Variants in EXD3 observed in about 807,000 individuals in gnomAD.
The protein encoded by EXD3 is exonuclease 3'-5' domain containing 3.
In EXD3, 92 loss-of-function variants were observed where a neutral mutation model predicts 98.0. The ratio of observed to expected loss-of-function variants is 0.94; its 90% CI spans 0.79 to 1.12. The LOEUF is 1.12. Ranked by LOEUF, EXD3 falls within the 50% of genes most tolerant of loss-of-function variation. EXD3 has a pLI of 0.00. For missense variants in EXD3, 1,222 were observed against 1,191.6 expected (o/e 1.03, Z -0.38); for synonymous variants, 569 against 526.0 (o/e 1.08, Z -1.12).
chr9:137,343,612 G>T (rs1370219974), intron 17 of EXD3: 1 of 11,424 alleles, frequency 8.8e-5, no homozygotes, highest in African/African-American at 4.5e-4. Flanking sequence ...TTTTTGAGAC[G>T]GAGTCTCGCT....
At chr9:137,384,459 C>T (rs886400277) in intron 2 of EXD3, among the ~76,000 whole-genome samples, 8 of 152,204 alleles carry the variant, frequency 5.3e-5, no homozygotes, top group South Asian at 2.1e-4. Context: ...TCACCTGGGA[C>T]GGGCAGGGAG....
chr9:137,309,574 C>T (rs1162024974), intron 20 of EXD3, 33 bp downstream of exon 20: 6 of 1,529,524 alleles, frequency 3.9e-6, no homozygotes, highest in Non-Finnish European at 5.3e-6. Context: ...TCCCAGGCCC[C>T]CCAGACCCAG....
intron 2 of EXD3, among the ~76,000 whole-genome samples, chr9:137,388,882 C>T (rs969863849): frequency 5.3e-5 from 8 of 152,162 alleles, no homozygotes; most frequent in Non-Finnish European, 1.0e-4. Flanking sequence ...TGCATGTCCA[C>T]GGGTCCAGGC....
chr9:137,349,205 G>T lies in EXD3; in HGVS notation c.1735C>A (p.Leu579Met). The T allele has an allele frequency of 6.3e-7, 1 of 1,584,778 alleles. No homozygotes were observed. The change falls in exon 16 of 22, where the codon CTG becomes ATG. Residue 579 changes from leucine to methionine, a missense_variant. Leu to Met is a conservative substitution (Grantham distance 15). Transcript: ENST00000340951. This position sits in a 1 kb window ranked among gnomAD's most constrained non-coding sequence, Gnocchi z 7.4. ...TGCCTGGGCCTCCGGCTCCCAGCCA[G>T]GTCCTCCGACAGGTGGAAGCGGGCG... ...EPARFHLSED[L>M]AGSRRPRHRE...
intron 1 of EXD3, among the ~76,000 whole-genome samples, chr9:137,420,747 C>G (rs562090714): frequency 4.1e-5 from 6 of 147,412 alleles, no homozygotes; most frequent in Admixed American, 2.0e-4. Context: ...ACCCCCCCCC[C>G]CAAATTCATA....
At chr9:137,309,454 C>A (rs565590453) in intron 20 of EXD3, among the ~76,000 whole-genome samples, 153 bp downstream of exon 20, 1 of 152,180 alleles carries the variant, frequency 6.6e-6, no homozygotes, top group Non-Finnish European at 1.5e-5. Flanking sequence ...CTGTTGTCAC[C>A]TGGCTGTGGT....
intron 1 of EXD3, among the ~76,000 whole-genome samples, chr9:137,421,486 A>AT (rs1838510682): frequency 1.3e-5 from 2 of 152,182 alleles, no homozygotes; most frequent in Admixed American, 6.5e-5. Context: ...TGATCATTGT[A>AT]TTTTTTATTT....
intron 2 of EXD3, among the ~76,000 whole-genome samples, chr9:137,388,479 C>T (rs1219931600): frequency 6.6e-6 from 1 of 152,166 alleles, no homozygotes; most frequent in African/African-American, 2.4e-5. Flanking sequence ...AAACTGTGGG[C>T]TGTGGAGTGG....
rs552820020 is a variant in EXD3, at chr9:137,370,131, G to A, written c.463-2142C>T. On this transcript the variant is annotated intron_variant, in intron 5 of 21. Transcript: ENST00000340951. Reference sequence around the variant, plus strand: ...GGTGACAGGGGTGGGGGGCTGGGGGGTGGCTAGTAGCAGACCCACCCCTTC... The same window carrying A: ...GGTGACAGGGGTGGGGGGCTGGGGGATGGCTAGTAGCAGACCCACCCCTTC... Among the ~76,000 whole-genome samples, 161 of 152,278 alleles carry A rather than the reference G, an allele frequency of 1.1e-3. 1 individual carries two copies. Among genetic ancestry groups the A allele is most frequent in the African/African-American group, 3.8e-3 (160 of 41,580 alleles).
chr9:137,386,073 G>T (rs921481071), intron 2 of EXD3, among the ~76,000 whole-genome samples: 1 of 151,960 alleles, frequency 6.6e-6, no homozygotes. Flanking sequence ...AGGTGGGTGG[G>T]TCGCTTGAGC....
At chr9:137,322,330 G>C (rs1316523304) in intron 19 of EXD3, among the ~76,000 whole-genome samples, 2 of 147,656 alleles carry the variant, frequency 1.4e-5, no homozygotes, top group African/African-American at 2.5e-5. Flanking sequence ...CTCTGCCGAC[G>C]CCTCACCCTG....
Position 137,403,197 on chromosome 9 carries a change from T to A in EXD3, c.-47-7793A>T, listed in dbSNP as rs1239385523. Among the ~76,000 whole-genome samples the A allele has an allele frequency of 6.6e-6, 1 of 151,700 alleles. No homozygotes were observed. The highest frequency in any genetic ancestry group is 1.5e-5 in the Non-Finnish European group (1 of 67,932). Reference sequence around the variant, plus strand: ...GGGGACTGCTATGCATATCTGAAAGTGAGGCACTAGTCATCTGCTTGGAAA... The same window carrying A: ...GGGGACTGCTATGCATATCTGAAAGAGAGGCACTAGTCATCTGCTTGGAAA... On this transcript the variant is annotated intron_variant, in intron 1 of 21. Coordinates refer to ENST00000340951, the MANE Select transcript of EXD3 (RefSeq NM_017820.5). This position sits in a 1 kb window ranked among gnomAD's most constrained non-coding sequence, Gnocchi z 6.1.
In EXD3 at chr9:137,385,664, G is replaced by C. The variant is rs1398240054; in HGVS notation, c.56-2287C>G. 6.6e-6 allele frequency among the ~76,000 whole-genome samples: 1 copy of C among 152,070 alleles called. No homozygotes were observed. Among genetic ancestry groups the C allele is most frequent in the Non-Finnish European group, 1.5e-5 (1 of 68,016 alleles). On this transcript the variant is annotated intron_variant, in intron 2 of 21. Transcript: ENST00000340951. The surrounding 1 kb of genome is among the most constrained non-coding windows in gnomAD (Gnocchi z 4.4). ...TTCTCGTGCCTCAGCCTCCGGAGTA[G>C]CTGGGAGTACAGGCGCTCACCGCTA...
In EXD3 at chr9:137,352,644, A is replaced by C; in HGVS notation, c.1013T>G (p.Leu338Arg). 6.5e-7 allele frequency: 1 copy of C among 1,547,618 alleles called. No homozygotes were observed. The highest frequency in any genetic ancestry group is 8.7e-7 in the Non-Finnish European group (1 of 1,146,212). The change falls in exon 11 of 22, where the codon CTC becomes CGC. Residue 338 changes from leucine (L) to arginine (R), a missense_variant. Transcript: ENST00000340951. ...CCTCCCCTGGAGCCTGAACCGGCGG[A>C]GTTCCACAGCCACCGCAGCCGGCAG... ...ERLPAAVAVE[L>R]RRFRLQGRAT...
intron 8 of EXD3, 67 bp from the exon 9 acceptor site, chr9:137,354,840 G>T (rs936389089): frequency 5.3e-6 from 8 of 1,500,136 alleles, no homozygotes; most frequent in Non-Finnish European, 5.4e-6. Context: ...CTTCTGGGGC[G>T]GGCTGGAGAC....
chr9:137,409,163 G>A (rs1837877135), intron 1 of EXD3, among the ~76,000 whole-genome samples: 1 of 152,198 alleles, frequency 6.6e-6, no homozygotes, highest in African/African-American at 2.4e-5. Context: ...GTTATCACGG[G>A]AGTGGAACTG....
intron 3 of EXD3, among the ~76,000 whole-genome samples, chr9:137,382,170 C>CGGAGGAGGTGAGGGCGTGT (rs1836342045): frequency 4.7e-5 from 5 of 106,760 alleles, no homozygotes; most frequent in African/African-American, 2.2e-4. Context: ...TGGGAGCATG[C>CGGAGGAGGTGAGGGCGTGT]GGAGGAGGTG....
intron 5 of EXD3, among the ~76,000 whole-genome samples, chr9:137,368,855 G>A (rs536804694): frequency 2.1e-4 from 32 of 150,106 alleles, no homozygotes; most frequent in Middle Eastern, 7.2e-3. Context: ...GCCCGGGGCG[G>A]GGGTCTCAGG....
At chr9:137,379,007 A>G (rs369480360) in intron 3 of EXD3, among the ~76,000 whole-genome samples, 624 of 16,188 alleles carry the variant, frequency 0.039, 1 homozygote, top group Admixed American at 0.063. Flanking sequence ...GAGGGGTACA[A>G]GGTTCGTGGG....
Sources: allele counts gnomAD v4.1 joint callset (sites outside exome capture counted in the v4.1 genomes callset), GRCh38; gene constraint gnomAD v4.1.1; non-coding constraint Gnocchi (gnomAD v3.1); transcripts MANE v1.5; gene names NCBI Gene and HGNC (gene_info 2026-07-23, HGNC 2026-07-21).